Variants in PLEK observed in about 807,000 individuals in gnomAD.
PLEK encodes platelet 47 kDa protein.
Under a neutral mutation model 43.9 loss-of-function variants are expected in PLEK, and 25 were observed. The ratio of observed to expected loss-of-function variants is 0.57; its 90% CI spans 0.41 to 0.79. The LOEUF (loss-of-function observed/expected upper bound fraction) is 0.79, where lower values mean the gene tolerates loss of function less well. PLEK is among the 30% of genes least tolerant of loss of function. PLEK has a pLI of 0.00. For missense variants in PLEK, 396 were observed against 413.3 expected (o/e 0.96, Z 0.36); for synonymous variants, 152 against 144.4 (o/e 1.05, Z -0.38).
chr2:68,378,451 A>T (rs1331716194), intron 1 of PLEK, among the ~76,000 whole-genome samples: 1 of 152,172 alleles, frequency 6.6e-6, no homozygotes, highest in East Asian at 1.9e-4. Flanking sequence ...AGAGAAACCA[A>T]AGGGAAGTGT....
chr2:68,393,141 T>C, intron 6 of PLEK, 21 bp from the exon 7 acceptor site: 1 of 1,479,796 alleles, frequency 6.8e-7, no homozygotes, highest in Non-Finnish European at 9.5e-7. Flanking sequence ...TCCCTTCTTT[T>C]AATGTTGATC....
chr2:68,386,136 G>C (rs752781557), intron 4 of PLEK, among the ~76,000 whole-genome samples: 5 of 136,472 alleles, frequency 3.7e-5, no homozygotes, highest in Non-Finnish European at 7.8e-5. Context: ...TTAAGTTTTA[G>C]GGTACATATT....
intron 1 of PLEK, among the ~76,000 whole-genome samples, chr2:68,367,773 A>G (rs1180907863): frequency 6.6e-6 from 1 of 152,224 alleles, no homozygotes; most frequent in Non-Finnish European, 1.5e-5. Flanking sequence ...TTAATTATGA[A>G]GGAAGGGCCA....
chr2:68,375,048 C>A (rs1490330728), intron 1 of PLEK, among the ~76,000 whole-genome samples: 1 of 152,158 alleles, frequency 6.6e-6, no homozygotes, highest in African/African-American at 2.4e-5. Context: ...CAGATCTTTG[C>A]CCAGGAGTGA....
At position 68,396,887 on chromosome 2, in the gene PLEK, C is replaced by A. The variant is rs192768128; in HGVS notation, c.*1071C>A. Reference sequence around the variant, plus strand: ...AAGGACTCAGAGCCACACAGAACTTCTGAGAGGGGCTGTTAGCATTGCGCA... The same window carrying A: ...AAGGACTCAGAGCCACACAGAACTTATGAGAGGGGCTGTTAGCATTGCGCA... On this transcript the variant is annotated 3_prime_UTR_variant, in exon 9 of 9. Transcript: ENST00000234313. 6.6e-6 allele frequency: 1 copy of A among 152,312 alleles called. No individual in the cohort carries two copies. Among genetic ancestry groups the A allele is most frequent in the African/African-American group, 2.4e-5 (1 of 41,570 alleles). 9.4% of individuals were successfully genotyped at this position (152,312 alleles called of 1,614,324 possible).
At chr2:68,383,647 CA>C (rs755002870) in intron 4 of PLEK, among the ~76,000 whole-genome samples, 18 of 152,104 alleles carry the variant, frequency 1.2e-4, no homozygotes, top group Non-Finnish European at 2.2e-4. Context: ...GACGGTTCAT[CA>C]GGGGGAGCAA....
intron 4 of PLEK, among the ~76,000 whole-genome samples, chr2:68,383,927 G>C (rs1449026872): frequency 6.6e-6 from 1 of 152,176 alleles, no homozygotes; most frequent in African/African-American, 2.4e-5. Flanking sequence ...GACAAGGCAG[G>C]GCTGAGATTT....
intron 4 of PLEK, among the ~76,000 whole-genome samples, chr2:68,383,622 C>T (rs1471613386): frequency 6.6e-6 from 1 of 152,088 alleles, no homozygotes; most frequent in Non-Finnish European, 1.5e-5. Flanking sequence ...AGAAACTGAC[C>T]AGCCTAGTAG....
intron 1 of PLEK, among the ~76,000 whole-genome samples, chr2:68,376,496 T>C (rs1673503838): frequency 6.6e-6 from 1 of 152,242 alleles, no homozygotes; most frequent in African/African-American, 2.4e-5. Context: ...TGCAGAGGTC[T>C]ATAGGATCAT....
chr2:68,395,726 T>C lies in PLEK; in HGVS notation c.963T>C (p.Asp321=). The C allele has an allele frequency of 1.9e-6, 3 of 1,613,892 alleles. No homozygotes were observed. Among genetic ancestry groups the C allele is most frequent in the Non-Finnish European group, 2.5e-6 (3 of 1,179,854 alleles). Residue 321 remains aspartate, a synonymous_variant, in exon 9 of 9, where the codon GAT becomes GAC. Transcript: ENST00000234313. ...ACCTTTTTGAGATCATCACAGCAGA[T>C]GAAGTGCACTATTTCTTGCAAGCAG... ...EENLFEIITA[D]EVHYFLQAAT... is the part of the protein sequence containing the mutation.
chr2:68,394,834 G>C (rs1363563830), intron 8 of PLEK, among the ~76,000 whole-genome samples: 1 of 152,174 alleles, frequency 6.6e-6, no homozygotes, highest in African/African-American at 2.4e-5. Flanking sequence ...TTGTATCTCT[G>C]GGGTGATGTG....
At chr2:68,370,058 C>G (rs766807571) in intron 1 of PLEK, among the ~76,000 whole-genome samples, 8 of 152,140 alleles carry the variant, frequency 5.3e-5, no homozygotes, top group South Asian at 4.1e-4. Flanking sequence ...TATGTTGTAG[C>G]CAACATAAGG....
chr2:68,370,749 G>A (rs1260541553), intron 1 of PLEK, among the ~76,000 whole-genome samples: 1 of 152,166 alleles, frequency 6.6e-6, no homozygotes, highest in Non-Finnish European at 1.5e-5. Context: ...GCCTCCCAAA[G>A]TGCTAGGATT....
At chr2:68,395,538 C>A (rs1673946898) in intron 8 of PLEK, 142 bp from the exon 9 acceptor site, 2 of 804,626 alleles carry the variant, frequency 2.5e-6, no homozygotes, top group East Asian at 2.4e-5. Context: ...TATAATCATA[C>A]CTTGTTTGTA....
intron 4 of PLEK, among the ~76,000 whole-genome samples, chr2:68,383,413 C>T (rs62143912): frequency 6.6e-6 from 1 of 151,890 alleles, no homozygotes; most frequent in South Asian, 2.1e-4. Flanking sequence ...CAAATTTGAC[C>T]CTGAAAGATG....
In PLEK at chr2:68,395,841, C is replaced by A. The variant is rs766972214; in HGVS notation, c.*25C>A. ...AAGAGACTCCTGCATTCCTCCTCCCCTCCTGAGGGAAGCCCATGGACAAGC... is the reference window on the plus strand; with the variant it reads ...AAGAGACTCCTGCATTCCTCCTCCCATCCTGAGGGAAGCCCATGGACAAGC... On this transcript the variant is annotated 3_prime_UTR_variant, in exon 9 of 9. Coordinates refer to ENST00000234313, the MANE Select transcript of PLEK (RefSeq NM_002664.3). 1.5e-5 allele frequency: 24 copies of A among 1,605,302 alleles called. 1 individual carries two copies. Among genetic ancestry groups the A allele is most frequent in the Non-Finnish European group, 1.5e-5 (18 of 1,172,534 alleles).
intron 6 of PLEK, among the ~76,000 whole-genome samples, chr2:68,388,953 C>T (rs2120334): frequency 0.3 from 45,328 of 151,898 alleles, 7,513 homozygotes; most frequent in East Asian, 0.69. Flanking sequence ...GTGCTTAGGG[C>T]ATGACAAGAC....
At chr2:68,392,726 A>G (rs1673885237) in intron 6 of PLEK, among the ~76,000 whole-genome samples, 2 of 152,208 alleles carry the variant, frequency 1.3e-5, no homozygotes, top group African/African-American at 2.4e-5. Context: ...AAAGCCCACA[A>G]TTACATATTC....
chr2:68,373,354 C>T (rs944871562), intron 1 of PLEK, among the ~76,000 whole-genome samples: 14 of 152,058 alleles, frequency 9.2e-5, no homozygotes, highest in Middle Eastern at 3.2e-3. Flanking sequence ...TCCCAAATGA[C>T]ACATCCTCCT....
Sources: gnomAD v4.1 joint callset for allele counts (sites outside exome capture counted in the v4.1 genomes callset) on GRCh38, gnomAD v4.1.1 for gene constraint, MANE v1.5 for transcripts, NCBI Gene and HGNC (gene_info 2026-07-23, HGNC 2026-07-21) for gene names.